PARL: variants seen among roughly 807,000 people sequenced by gnomAD.
The protein encoded by PARL is presenilin-associated rhomboid-like protein, mitochondrial.
PARL carries 44 observed loss-of-function variants against 51.6 expected under a neutral mutation model. The ratio of observed to expected loss-of-function variants is 0.85; its 90% CI spans 0.67 to 1.10. PARL has a LOEUF of 1.10. Among genes scored for constraint, PARL ranks in the 50% least tolerant of loss-of-function variants. The pLI is 0.00. For synonymous variants in PARL, 172 were observed against 164.0 expected, an observed-to-expected ratio of 1.05 and a Z score of -0.37; for missense variants, 441 against 469.5, an observed-to-expected ratio of 0.94 and a Z score of 0.56.
At chr3:183,850,629 G>A (rs1239143264) in intron 4 of PARL, among the ~76,000 whole-genome samples, 1 of 152,112 alleles carries the variant, frequency 6.6e-6, no homozygotes, top group African/African-American at 2.4e-5. Flanking sequence ...TCAAAAAATA[G>A]AAGAGGAAGG....
rs745458474 is a variant in PARL, at chr3:183,840,682, A to C, written c.758-42T>G. On this transcript the variant is annotated intron_variant, in intron 6 of 9. Transcript: ENST00000317096. The stretch of plus-strand genomic sequence containing the variant: ...ATTACAATAATTTAAGTGAGGTATA[A>C]AAATGGTTTACTTTTTTTTTTCTTT... The C allele has an allele frequency of 8.1e-6, 8 of 990,036 alleles. No individual in the cohort carries two copies. In the East Asian group the frequency reaches 1.2e-4, roughly 15 times the overall value. The allele number at this position is 990,036 out of a possible 1,614,324, so 61.3% of individuals were successfully genotyped here.
chr3:183,840,415 T>C (rs953669586), intron 7 of PARL, among the ~76,000 whole-genome samples, 155 bp downstream of exon 7: 1 of 152,222 alleles, frequency 6.6e-6, no homozygotes, highest in Non-Finnish European at 1.5e-5. Flanking sequence ...CTGTATTGTT[T>C]CAATGTTAAT....
intron 5 of PARL, among the ~76,000 whole-genome samples, chr3:183,843,718 C>T (rs1008606041): frequency 1.3e-5 from 2 of 152,056 alleles, no homozygotes; most frequent in Non-Finnish European, 2.9e-5. Flanking sequence ...GTAGTCCCAG[C>T]TACTCAGGAG....
chr3:183,847,567 A>G (rs140139013), intron 4 of PARL, among the ~76,000 whole-genome samples: 1,736 of 151,458 alleles, frequency 0.011, 31 homozygotes, highest in African/African-American at 0.04. Flanking sequence ...CTGTCTCAAA[A>G]TAAATAAATA....
intron 2 of PARL, among the ~76,000 whole-genome samples, chr3:183,867,561 G>A (rs893815155): frequency 3.9e-5 from 6 of 152,064 alleles, no homozygotes; most frequent in South Asian, 2.1e-4. Flanking sequence ...TTAGCCAGGC[G>A]TGGTGGCCAG....
At chr3:183,858,215 G>C (rs190467511) in intron 4 of PARL, among the ~76,000 whole-genome samples, 3 of 152,262 alleles carry the variant, frequency 2.0e-5, no homozygotes, top group Admixed American at 2.0e-4. Context: ...GTAAAGATGG[G>C]CTATAAGACC....
intron 4 of PARL, among the ~76,000 whole-genome samples, chr3:183,846,128 C>CTGGAAATG (rs1187485697): frequency 3.9e-5 from 6 of 151,962 alleles, no homozygotes; most frequent in Non-Finnish European, 2.9e-5. Context: ...ACAGGCACCA[C>CTGGAAATG]AGCACTGTCA....
At chr3:183,839,701 G>C (rs1196964085) in intron 7 of PARL, among the ~76,000 whole-genome samples, 1 of 147,804 alleles carries the variant, frequency 6.8e-6, no homozygotes, top group Non-Finnish European at 1.5e-5. Flanking sequence ...TTACAGGTGT[G>C]AGCCACTGCA....
intron 4 of PARL, chr3:183,861,369 G>T (rs1009558557): frequency 8.3e-6 from 2 of 239,890 alleles, no homozygotes; most frequent in Non-Finnish European, 1.3e-5. Context: ...GTCACAAAAT[G>T]AAAGATGTCA....
At chr3:183,826,984 T>C (rs56280268), downstream of PARL, among the ~76,000 whole-genome samples, 49,865 of 151,928 alleles carry the variant, frequency 0.33, 10,144 homozygotes, top group East Asian at 0.46. Flanking sequence ...GAAGTGTAAT[T>C]GAACTGACAA....
intron 1 of PARL, among the ~76,000 whole-genome samples, chr3:183,875,070 T>C (rs932882535): frequency 2.6e-5 from 4 of 152,066 alleles, no homozygotes; most frequent in Non-Finnish European, 5.9e-5. Flanking sequence ...AGACTCTGTA[T>C]CAACAACAGC....
chr3:183,851,283 A>G (rs1440989545), intron 4 of PARL, among the ~76,000 whole-genome samples: 2 of 152,242 alleles, frequency 1.3e-5, no homozygotes, highest in Non-Finnish European at 2.9e-5. Flanking sequence ...TACAAGCAAC[A>G]AAAGAAAAAA....
intron 7 of PARL, among the ~76,000 whole-genome samples, chr3:183,836,094 G>A (rs1241258731): frequency 6.6e-6 from 1 of 151,378 alleles, no homozygotes; most frequent in Non-Finnish European, 1.5e-5. Context: ...GTGCATGCCT[G>A]TAATCCCAGC....
intron 4 of PARL, among the ~76,000 whole-genome samples, chr3:183,852,777 C>CA (rs1361090250): frequency 6.6e-5 from 10 of 151,618 alleles, no homozygotes; most frequent in Admixed American, 2.6e-4. Context: ...TTAAAAAATA[C>CA]AAAAAAAATT....
rs191865235 is a variant in PARL at position 183,880,488 on chromosome 3, G to A, written c.125+4234C>T. On this transcript the variant is annotated intron_variant, in intron 1 of 9. Coordinates refer to ENST00000317096, the MANE Select transcript of PARL (RefSeq NM_018622.7). ...GTGATCTCGGCTCACTGCAACCTCC[G>A]CTTCCCGGGTTCAGGCGATTCTCCT... 2.9e-4 allele frequency among the ~76,000 whole-genome samples: 44 copies of A among 151,882 alleles called. 1 individual carries two copies. The highest frequency in any genetic ancestry group is 1.1e-3 in the African/African-American group (44 of 41,390).
intron 4 of PARL, chr3:183,861,419 T>C (rs1239491828): frequency 6.5e-6 from 1 of 154,730 alleles, no homozygotes; most frequent in Non-Finnish European, 1.4e-5. Flanking sequence ...TCAAGGATGT[T>C]ACACATACAA....
At chr3:183,845,591 G>A (rs1405174236) in intron 4 of PARL, among the ~76,000 whole-genome samples, 1 of 152,194 alleles carries the variant, frequency 6.6e-6, no homozygotes, top group Non-Finnish European at 1.5e-5. Context: ...TAAAGATGGT[G>A]AGAGGGACAG....
At position 183,836,960 on chromosome 3, in the gene PARL, C is replaced by T. The variant is rs186998136; in HGVS notation, c.829-3135G>A. ...TCCACCATGTTGGCCAGGCTGGTTT[C>T]GAACTCCTGGCCTCAAGTGATCCAC... On this transcript the variant is annotated intron_variant, in intron 7 of 9. Transcript: ENST00000317096. Among the ~76,000 whole-genome samples the T allele has an allele frequency of 3.0e-3, 459 of 152,194 alleles. 6 individuals are homozygous for T. The highest frequency in any genetic ancestry group is 1.7e-3 in the African/African-American group (69 of 41,542).
chr3:183,848,275 GC>G (rs1730183318), intron 4 of PARL, among the ~76,000 whole-genome samples: 1 of 152,100 alleles, frequency 6.6e-6, no homozygotes. Flanking sequence ...ACGGAGTCTC[GC>G]TGTCTCCCAG....
Sources: gnomAD v4.1 joint callset for allele counts (sites outside exome capture counted in the v4.1 genomes callset) on GRCh38, gnomAD v4.1.1 for gene constraint, MANE v1.5 for transcripts, NCBI Gene and HGNC (gene_info 2026-07-23, HGNC 2026-07-21) for gene names.